The following WDR72 variants were observed in gnomAD, a reference collection of about 807,000 sequenced individuals.
The protein encoded by WDR72 is WD repeat domain 72.
WDR72 carries 120 observed loss-of-function variants against 124.2 expected under a neutral mutation model. That is an observed-to-expected ratio of 0.97 (90% CI 0.83 to 1.12). The LOEUF is 1.12. Ranked by LOEUF, WDR72 falls within the 50% of genes most tolerant of loss-of-function variation. The pLI is 0.00. For missense variants in WDR72, 1,387 were observed against 1,278.8 expected (o/e 1.08, Z -1.29); for synonymous variants, 452 against 441.7 (o/e 1.02, Z -0.29).
At chr15:53,721,865 C>T (rs1217226996) in intron 3 of WDR72, among the ~76,000 whole-genome samples, 3 of 152,026 alleles carry the variant, frequency 2.0e-5, no homozygotes, top group Non-Finnish European at 4.4e-5. Flanking sequence ...AGTATTTCTT[C>T]CATCAGTGGA....
rs766260645 is a variant in WDR72, at chr15:53,515,682, A to G, written c.*2017T>C. 6.6e-6 allele frequency: 1 copy of G among 152,198 alleles called. No homozygotes were observed. The highest frequency in any genetic ancestry group is 1.5e-5 in the Non-Finnish European group (1 of 68,020). The allele number at this position is 152,198 out of a possible 1,614,324, so 9.4% of individuals were successfully genotyped here. A position where few individuals can be genotyped will look rare whatever the true frequency, so the allele number is the denominator to read the frequency against. ...AAAATCCTAACATTTCCACTTAGTA[A>G]TGTCAGGGTTGTGCCAGTTCTAATT... is the stretch of plus-strand genomic sequence containing the variant. On this transcript the variant is annotated 3_prime_UTR_variant, in exon 20 of 20. Coordinates refer to ENST00000360509, the MANE Select transcript of WDR72 (RefSeq NM_182758.4).
chr15:53,645,561 A>G (rs1567001761), intron 14 of WDR72, among the ~76,000 whole-genome samples: 1 of 152,124 alleles, frequency 6.6e-6, no homozygotes, highest in Non-Finnish European at 1.5e-5. Context: ...TGTGCAATGA[A>G]CCTTTTGCAT....
rs181143758 is a variant in WDR72, at chr15:53,733,537, C to A, written c.-12-376G>T. 2.8e-4 allele frequency among the ~76,000 whole-genome samples: 42 copies of A among 152,236 alleles called. 1 individual carries two copies. Among genetic ancestry groups the A allele is most frequent in the African/African-American group, 1.0e-3 (42 of 41,524 alleles). ...ATGGTATAATTTGAAGCCAGCTTTG[C>A]AGACTCTCTCTCCCTAGAAATGTTA... is the stretch of plus-strand genomic sequence containing the variant. On this transcript the variant is annotated intron_variant, in intron 1 of 19. Coordinates refer to ENST00000360509, the MANE Select transcript of WDR72 (RefSeq NM_182758.4).
intron 14 of WDR72, among the ~76,000 whole-genome samples, chr15:53,627,082 T>TG (rs1018560943): frequency 2.0e-5 from 3 of 152,078 alleles, no homozygotes. Context: ...TAAGGAAAAA[T>TG]GAGAGAGAGA....
chr15:53,568,240 C>T (rs1403975292), intron 18 of WDR72, among the ~76,000 whole-genome samples: 4 of 151,604 alleles, frequency 2.6e-5, no homozygotes. Flanking sequence ...CAAGTGCATG[C>T]ATGATCCACA....
At chr15:53,591,685 A>AACACACACACACAC (rs67873847) in intron 18 of WDR72, among the ~76,000 whole-genome samples, 98 of 149,026 alleles carry the variant, frequency 6.6e-4, no homozygotes, top group Non-Finnish European at 1.3e-3. Context: ...CAACACACAC[A>AACACACACACACAC]ACACACACAC....
chr15:53,686,221 A>C (rs2016617927), intron 13 of WDR72, among the ~76,000 whole-genome samples: 1 of 151,502 alleles, frequency 6.6e-6, no homozygotes, highest in African/African-American at 2.4e-5. Context: ...TATTAACTTT[A>C]AATGTAAATG....
intron 18 of WDR72, among the ~76,000 whole-genome samples, chr15:53,578,447 C>T (rs1254623629): frequency 6.6e-6 from 1 of 152,060 alleles, no homozygotes; most frequent in Non-Finnish European, 1.5e-5. Context: ...GGGCCTTGCT[C>T]AGTGCTTGGC....
chr15:53,670,333 G>A (rs1436693036), intron 13 of WDR72, among the ~76,000 whole-genome samples: 1 of 152,186 alleles, frequency 6.6e-6, no homozygotes, highest in Non-Finnish European at 1.5e-5. Context: ...CAAAAAGTCA[G>A]CACACAGAAA....
chr15:53,557,133 T>C (rs546365219), intron 18 of WDR72, among the ~76,000 whole-genome samples: 66 of 152,188 alleles, frequency 4.3e-4, no homozygotes, highest in African/African-American at 1.6e-3. Flanking sequence ...TAGTTCTCAG[T>C]ATATCAGGCT....
At chr15:53,742,779 T>G (rs1379231421) in intron 1 of WDR72, among the ~76,000 whole-genome samples, 1 of 152,208 alleles carries the variant, frequency 6.6e-6, no homozygotes, top group East Asian at 1.9e-4. Flanking sequence ...TACATTACAC[T>G]TTGTACGTAA....
chr15:53,615,503 T>C lies in WDR72; in HGVS notation c.2703A>G (p.Ile901Met), dbSNP rs1383761514. 3.1e-6 allele frequency: 5 copies of C among 1,612,732 alleles called. No homozygotes were observed. The highest frequency in any genetic ancestry group is 4.2e-6 in the Non-Finnish European group (5 of 1,179,328). Residue 901 changes from isoleucine (I) to methionine (M), a missense_variant, in exon 15 of 20, where the codon ATA (isoleucine) becomes ATG (methionine). Transcript: ENST00000360509. ...AAAATAGTCTGCTCAACAAATAAACTATAGTATCTGACTCTCGCAAAGAAT... is the reference window on the plus strand; with the variant it reads ...AAAATAGTCTGCTCAACAAATAAACCATAGTATCTGACTCTCGCAAAGAAT... Reference protein sequence around the residue: ...NCDSLRESDTIVYLLSRLFLV... With the variant: ...NCDSLRESDTMVYLLSRLFLV...
chr15:53,607,219 C>G (rs1566980721), intron 17 of WDR72, among the ~76,000 whole-genome samples: 1 of 151,724 alleles, frequency 6.6e-6, no homozygotes, highest in Admixed American at 6.6e-5. Context: ...AGAACCAGTC[C>G]TCTAAGTCAA....
At chr15:53,540,940 TA>T in intron 18 of WDR72, 1 of 156,810 alleles carries the variant, frequency 6.4e-6, no homozygotes, top group Non-Finnish European at 1.4e-5. Flanking sequence ...CGGACCGGCT[TA>T]AAAAACGGCG....
At position 53,515,262 on chromosome 15, in the gene WDR72, A is replaced by AAAG. The variant is rs1891399987; in HGVS notation, c.*2434_*2436dup. On this transcript the variant is annotated 3_prime_UTR_variant, in exon 20 of 20. Coordinates refer to ENST00000360509, the MANE Select transcript of WDR72 (RefSeq NM_182758.4). ...CTGGTTACCTAGGCCTAGACGTACAAAAGGACACCCATATCTCATCAGGAG... is the reference window on the plus strand; with the variant it reads ...CTGGTTACCTAGGCCTAGACGTACAAAAGAAGGACACCCATATCTCATCAGGAG... The AAAG allele has an allele frequency of 6.6e-6, 1 of 152,006 alleles. No homozygotes were observed. The highest frequency in any genetic ancestry group is 2.4e-5 in the African/African-American group (1 of 41,410). 9.4% of individuals were successfully genotyped at this position (152,006 alleles called of 1,614,324 possible). A position where few individuals can be genotyped will look rare whatever the true frequency, so the allele number is the denominator to read the frequency against.
At chr15:53,755,453 G>T (rs1393137786) in intron 1 of WDR72, among the ~76,000 whole-genome samples, 1 of 152,090 alleles carries the variant, frequency 6.6e-6, no homozygotes, top group African/African-American at 2.4e-5. Flanking sequence ...TCAAAAGCAG[G>T]CATATAGATT....
intron 6 of WDR72, among the ~76,000 whole-genome samples, chr15:53,714,044 C>A (rs1048373646): frequency 6.6e-6 from 1 of 152,136 alleles, no homozygotes; most frequent in African/African-American, 2.4e-5. Context: ...ATATACTGGA[C>A]TCCCCAGGGA....
chr15:53,636,476 C>A (rs1053129456), intron 14 of WDR72, among the ~76,000 whole-genome samples: 1 of 152,142 alleles, frequency 6.6e-6, no homozygotes, highest in Non-Finnish European at 1.5e-5. Flanking sequence ...TCGGGAGGAA[C>A]AGATTCTCCC....
At chr15:53,635,753 G>C (rs1253516932) in intron 14 of WDR72, among the ~76,000 whole-genome samples, 2 of 152,034 alleles carry the variant, frequency 1.3e-5, no homozygotes, top group Non-Finnish European at 2.9e-5. Context: ...CTTAGTACCT[G>C]GGTGACGGGA....
Sources: allele counts gnomAD v4.1 joint callset (sites outside exome capture counted in the v4.1 genomes callset), GRCh38; gene constraint gnomAD v4.1.1; transcripts MANE v1.5; gene names NCBI Gene and HGNC (gene_info 2026-07-23, HGNC 2026-07-21).